Variants in BEST2 observed in about 807,000 individuals in gnomAD.
BEST2 encodes bestrophin 2.
Under a neutral mutation model 49.0 loss-of-function variants are expected in BEST2, and 36 were observed. The observed-to-expected ratio is 0.73, with a 90% CI of 0.56 to 0.97. The LOEUF is 0.97. BEST2 is among the 50% of genes least tolerant of loss of function. The pLI is 0.00. For synonymous variants in BEST2, 335 were observed against 304.4 expected, an observed-to-expected ratio of 1.10 and a Z score of -1.05; for missense variants, 672 against 710.0, an observed-to-expected ratio of 0.95 and a Z score of 0.61.
chr19:12,755,980 C>T lies in BEST2; in HGVS notation c.948+45C>T, dbSNP rs149459841. On this transcript the variant is annotated intron_variant, in intron 8 of 9. Coordinates refer to ENST00000553030, the MANE Select transcript of BEST2 (RefSeq NM_017682.3). The surrounding 1 kb of genome is among the most constrained non-coding windows in gnomAD (Gnocchi z 4.4). The stretch of plus-strand genomic sequence containing the variant: ...TGAGACTTCCAGGTGGCGACCATCC[C>T]GGAGTGCCCAACAGGGTTCTGGTCC... 2.2e-5 allele frequency: 36 copies of T among 1,600,314 alleles called. No homozygotes were observed. In the South Asian group the frequency reaches 3.0e-4, roughly 13 times the overall value.
chr19:12,752,537 C>T lies in BEST2; in HGVS notation c.-51-5C>T, dbSNP rs1401099160. ...ATCCCCGCACCTCTCCACCCACACC[C>T]GCAGCCCCCACCCGGGCCACCCACT... is the stretch of plus-strand genomic sequence containing the variant. On this transcript the variant is annotated splice_polypyrimidine_tract_variant and splice_region_variant and intron_variant, in intron 1 of 9. Coordinates refer to ENST00000553030, the MANE Select transcript of BEST2 (RefSeq NM_017682.3). 143 of 1,582,668 alleles carry T rather than the reference C, an allele frequency of 9.0e-5. No homozygotes were observed. The highest frequency in any genetic ancestry group is 1.2e-4 in the Non-Finnish European group (135 of 1,159,904).
In BEST2 at chr19:12,755,174, A is replaced by G. The variant is rs1967925294; in HGVS notation, c.636+143A>G. On this transcript the variant is annotated intron_variant, in intron 5 of 9. Coordinates refer to ENST00000553030, the MANE Select transcript of BEST2 (RefSeq NM_017682.3). The surrounding 1 kb of genome is among the most constrained non-coding windows in gnomAD (Gnocchi z 4.4). ...GTGCACTCTTACCTCCATGGGGCTG[A>G]TTCCAATGCCCTTGAGGGGCAGCTC... 8.5e-7 allele frequency: 1 copy of G among 1,182,902 alleles called. No individual in the cohort carries two copies. Among genetic ancestry groups the G allele is most frequent in the Non-Finnish European group, 1.2e-6 (1 of 855,548 alleles). The allele number at this position is 1,182,902 out of a possible 1,614,324, so 73.3% of individuals were successfully genotyped here.
Position 12,752,470 on chromosome 19 carries a change from G to A in BEST2, c.-51-72G>A, listed in dbSNP as rs767658400. The A allele has an allele frequency of 4.8e-6, 5 of 1,043,444 alleles. No individual in the cohort carries two copies. The Admixed American group carries it at 1.0e-4, about 21-fold the overall frequency. 64.6% of individuals were successfully genotyped at this position (1,043,444 alleles called of 1,614,324 possible). On this transcript the variant is annotated intron_variant, in intron 1 of 9. Transcript: ENST00000553030. ...ACTCAGGCAAGGGTCAGGACTGAAG[G>A]GGTGGCGGGCCGGAACATGGGTGGA...
At position 12,754,669 on chromosome 19, in the gene BEST2, G is replaced by A; in HGVS notation, c.365G>A (p.Arg122His). The change falls in exon 4 of 10, where the codon CGC becomes CAC. Residue 122 changes from arginine to histidine, a missense_variant. By Grantham distance (29) the Arg-to-His change is conservative. Transcript: ENST00000553030. ...GTGCACGGACGCGACGACCGCGGCCGCCTCTACCGGCGCACACTCATGCGC... is the reference window on the plus strand; with the variant it reads ...GTGCACGGACGCGACGACCGCGGCCACCTCTACCGGCGCACACTCATGCGC... ...GTVHGRDDRG[R>H]LYRRTLMRYA... 6.4e-7 allele frequency: 1 copy of A among 1,568,702 alleles called. No homozygotes were observed. Among genetic ancestry groups the A allele is most frequent in the Non-Finnish European group, 8.7e-7 (1 of 1,156,054 alleles).
Position 12,755,887 on chromosome 19 carries a change from G to A in BEST2, c.900G>A (p.Glu300=). 6.2e-7 allele frequency: 1 copy of A among 1,614,204 alleles called. No homozygotes were observed. Among genetic ancestry groups the A allele is most frequent in the Non-Finnish European group, 8.5e-7 (1 of 1,180,022 alleles). The stretch of plus-strand genomic sequence containing the variant: ...AGCAGCTCATCAACCCCTTCGGAGA[G>A]GACGATGATGACTTTGAGACCAACT... The part of the protein sequence containing the change: ...VAEQLINPFG[E]DDDDFETNFL... Residue 300 remains glutamate (E), a synonymous_variant, in exon 8 of 10, where the codon GAG becomes GAA. Coordinates refer to ENST00000553030, the MANE Select transcript of BEST2 (RefSeq NM_017682.3). The surrounding 1 kb of genome is among the most constrained non-coding windows in gnomAD (Gnocchi z 4.4).
At chr19:12,753,750 C>A (rs1034852412) in intron 3 of BEST2, among the ~76,000 whole-genome samples, 8 of 152,106 alleles carry the variant, frequency 5.3e-5, no homozygotes, top group African/African-American at 1.9e-4. Flanking sequence ...AAGTCTTGGA[C>A]CCCTAGTGAC....
intron 8 of BEST2, 65 bp from the exon 9 acceptor site, chr19:12,756,076 G>T: frequency 6.2e-7 from 1 of 1,607,770 alleles, no homozygotes; most frequent in Non-Finnish European, 8.5e-7. Context: ...CACCCGAAGG[G>T]GTCCACCCTG....
At position 12,756,334 on chromosome 19, in the gene BEST2, C is replaced by CT. The variant is rs761895513; in HGVS notation, c.1103+41dup. On this transcript the variant is annotated intron_variant, in intron 9 of 9. Transcript: ENST00000553030. ...GTGGGCAGGGCCGCCTGGGGCAGGG[C>CT]TTATGGCTCTGCGGGGCACATCTGA... 5.0e-6 allele frequency: 8 copies of CT among 1,605,882 alleles called. No homozygotes were observed. The South Asian group carries it at 8.8e-5, about 18-fold the overall frequency.
rs201428241 is a variant in BEST2, at chr19:12,755,635, C to T, written c.735C>T (p.Tyr245=). ...CCCAGGTGGTGACCATCGCACTGTA[C>T]AGCTACTTCCTGGCTTGCCTCATTG... ...VYTQVVTIAL[Y]SYFLACLIGR... is the part of the protein sequence containing the mutation. Residue 245 remains tyrosine, a synonymous_variant, in exon 7 of 10, where the codon TAC becomes TAT. Transcript: ENST00000553030. The surrounding 1 kb of genome is among the most constrained non-coding windows in gnomAD (Gnocchi z 4.4). The T allele has an allele frequency of 6.2e-7, 1 of 1,613,950 alleles. No homozygotes were observed. Among genetic ancestry groups the T allele is most frequent in the Admixed American group, 1.7e-5 (1 of 60,000 alleles).
chr19:12,753,278 G>A lies in BEST2; in HGVS notation c.171G>A (p.Gly57=), dbSNP rs1276467771. 3 of 1,614,174 alleles carry A rather than the reference G, an allele frequency of 1.9e-6. No homozygotes were observed. Among genetic ancestry groups the A allele is most frequent in the Non-Finnish European group, 2.5e-6 (3 of 1,180,014 alleles). Residue 57 remains glycine (G), a synonymous_variant, in exon 3 of 10, where the codon GGG becomes GGA. Coordinates refer to ENST00000553030, the MANE Select transcript of BEST2 (RefSeq NM_017682.3). ...SAAYRFVLTE[G]QKRYFEKLVI... ...CCCGCAGCTTTGTGCTGACCGAAGG[G>A]CAGAAGCGCTACTTCGAGAAGCTTG...
In BEST2 at chr19:12,757,903, G is replaced by C; in HGVS notation, c.1356G>C (p.Leu452=). ...CGGAGTGCAGCTGCGGGGACCCGCT[G>C]CTCGACCCCGGCCTGCCGGAGCCCG... ...AAPECSCGDP[L]LDPGLPEPEA... is the part of the protein sequence containing the mutation. Residue 452 remains leucine, a synonymous_variant, in exon 10 of 10, where the codon CTG becomes CTC. Coordinates refer to ENST00000553030, the MANE Select transcript of BEST2 (RefSeq NM_017682.3). 1 of 1,555,222 alleles carries C rather than the reference G, an allele frequency of 6.4e-7. No homozygotes were observed. Among genetic ancestry groups the C allele is most frequent in the Non-Finnish European group, 8.7e-7 (1 of 1,151,210 alleles).
At position 12,753,337 on chromosome 19, in the gene BEST2, C is replaced by T. The variant is rs778880279; in HGVS notation, c.230C>T (p.Pro77Leu). 6.2e-7 allele frequency: 1 copy of T among 1,614,144 alleles called. No homozygotes were observed. Residue 77 changes from proline (P) to leucine (L), a missense_variant, in exon 3 of 10, where the codon CCT becomes CTT. Pro to Leu is a moderately conservative substitution (Grantham distance 98). This residue lies in a region of BEST2 where 365 missense variants were observed against 390.9 expected (regional missense o/e 0.93). Coordinates refer to ENST00000553030, the MANE Select transcript of BEST2 (RefSeq NM_017682.3). ...TGTGACCAGTATGCCAGCCTCATCC[C>T]TGTCTCCTTCGTGCTTGGTGCGGTC... ...IYCDQYASLIPVSFVLGFYVT... is the reference protein window; with the variant it reads ...IYCDQYASLILVSFVLGFYVT...
chr19:12,757,939 C>T lies in BEST2; in HGVS notation c.1392C>T (p.Pro464=). Residue 464 remains proline, a synonymous_variant, in exon 10 of 10, where the codon CCC becomes CCT. Transcript: ENST00000553030. ...DPGLPEPEAP[P]PAGPEPLTLI... ...GCCTGCCGGAGCCCGAGGCCCCGCC[C>T]CCTGCGGGTCCCGAACCGCTTACCC... 18 of 1,584,676 alleles carry T rather than the reference C, an allele frequency of 1.1e-5. No homozygotes were observed. Among genetic ancestry groups the T allele is most frequent in the Non-Finnish European group, 1.5e-5 (18 of 1,167,656 alleles).
chr19:12,757,135 C>T (rs1967954424), intron 9 of BEST2, among the ~76,000 whole-genome samples: 1 of 148,778 alleles, frequency 6.7e-6, no homozygotes, highest in Non-Finnish European at 1.5e-5. Context: ...AAGAGTAAAA[C>T]TGCATTTCAA....
Position 12,755,148 on chromosome 19 carries a change from G to A in BEST2, c.636+117G>A. On this transcript the variant is annotated intron_variant, in intron 5 of 9. Coordinates refer to ENST00000553030, the MANE Select transcript of BEST2 (RefSeq NM_017682.3). The surrounding 1 kb of genome is among the most constrained non-coding windows in gnomAD (Gnocchi z 4.4). Reference sequence around the variant, plus strand: ...AGGCCGATTTCAAACACCCTCACCAGGTGCACTCTTACCTCCATGGGGCTG... The same window carrying A: ...AGGCCGATTTCAAACACCCTCACCAAGTGCACTCTTACCTCCATGGGGCTG... The A allele has an allele frequency of 7.6e-7, 1 of 1,307,582 alleles. No individual in the cohort carries two copies. The highest frequency in any genetic ancestry group is 2.5e-5 in the East Asian group (1 of 40,170). 81.0% of individuals were successfully genotyped at this position (1,307,582 alleles called of 1,614,324 possible).
At chr19:12,754,467 A>C (rs1967910893) in intron 3 of BEST2, 85 bp from the exon 4 acceptor site, 1 of 1,162,970 alleles carries the variant, frequency 8.6e-7, no homozygotes, top group Non-Finnish European at 1.2e-6. Context: ...TGCAGACCTT[A>C]CGTTGCCCCC....
Position 12,754,665 on chromosome 19 carries a change from G to A in BEST2, c.361G>A (p.Gly121Ser), listed in dbSNP as rs751592629. 1.0e-5 allele frequency: 16 copies of A among 1,563,746 alleles called. No homozygotes were observed. The highest frequency in any genetic ancestry group is 3.4e-4 in the Middle Eastern group (2 of 5,816). ...CACCGTGCACGGACGCGACGACCGCGGCCGCCTCTACCGGCGCACACTCAT... is the reference window on the plus strand; with the variant it reads ...CACCGTGCACGGACGCGACGACCGCAGCCGCCTCTACCGGCGCACACTCAT... ...AGTVHGRDDR[G>S]RLYRRTLMRY... The change falls in exon 4 of 10, where the codon GGC becomes AGC. Residue 121 changes from glycine to serine, a missense_variant. Gly to Ser is a moderately conservative substitution (Grantham distance 56). Around this residue, in one of 3 missense-constraint regions of BEST2, gnomAD observed 365 missense variants for 390.9 expected, o/e 0.93. Coordinates refer to ENST00000553030, the MANE Select transcript of BEST2 (RefSeq NM_017682.3).
rs1330834028 is a variant in BEST2 at position 12,754,619 on chromosome 19, G to A, written c.315G>A (p.Ala105=). 3 of 1,563,156 alleles carry A rather than the reference G, an allele frequency of 1.9e-6. No homozygotes were observed. The highest frequency in any genetic ancestry group is 1.7e-6 in the Non-Finnish European group (2 of 1,151,220). The change falls in exon 4 of 10, where the codon GCG becomes GCA. Residue 105 remains alanine, a synonymous_variant. Coordinates refer to ENST00000553030, the MANE Select transcript of BEST2 (RefSeq NM_017682.3). ...ACCTATGCATGCCGCTGCCCGACGCGCTCATGTGCGTGGTGGCGGGCACCG... is the reference window on the plus strand; with the variant it reads ...ACCTATGCATGCCGCTGCCCGACGCACTCATGTGCGTGGTGGCGGGCACCG... ...SQYLCMPLPD[A]LMCVVAGTVH... is the part of the protein sequence containing the mutation.
In BEST2 at chr19:12,752,577, C is replaced by T; in HGVS notation, c.-16C>T. ...GGCCACCCACTCTCCCTTGGCCACA[C>T]CTGCCGGGTGCCACGATGACCGTCA... On this transcript the variant is annotated 5_prime_UTR_variant, in exon 2 of 10. Transcript: ENST00000553030. 2 of 1,610,300 alleles carry T rather than the reference C, an allele frequency of 1.2e-6. No homozygotes were observed. The highest frequency in any genetic ancestry group is 1.7e-6 in the Non-Finnish European group (2 of 1,179,066).
Sources: gnomAD v4.1 joint callset for allele counts (sites outside exome capture counted in the v4.1 genomes callset) on GRCh38, gnomAD v4.1.1 for gene constraint, gnomAD v4.1.1 regional missense constraint, Gnocchi (gnomAD v3.1) non-coding constraint, MANE v1.5 for transcripts, NCBI Gene and HGNC (gene_info 2026-07-23, HGNC 2026-07-21) for gene names.